FRMD3: variants seen among roughly 807,000 people sequenced by gnomAD.
FRMD3 encodes FERM domain containing 3, also known as FERM domain-containing protein 3.
Under a neutral mutation model 70.2 loss-of-function variants are expected in FRMD3, and 33 were observed. The observed-to-expected ratio is 0.47, with a 90% CI of 0.36 to 0.63. The LOEUF (loss-of-function observed/expected upper bound fraction) is 0.63, where lower values mean the gene tolerates loss of function less well. Among genes scored for constraint, FRMD3 ranks in the 20% least tolerant of loss-of-function variants. FRMD3 has a pLI of 0.00. For missense variants in FRMD3, 632 were observed against 711.4 expected, an observed-to-expected ratio of 0.89 and a Z score of 1.27; for synonymous variants, 279 against 255.9, an observed-to-expected ratio of 1.09 and a Z score of -0.86.
chr9:83,541,957 T>A (rs900221640), upstream of FRMD3, among the ~76,000 whole-genome samples: 3 of 152,174 alleles, frequency 2.0e-5, no homozygotes, highest in Non-Finnish European at 4.4e-5. Flanking sequence ...TATTATTATT[T>A]TTTACCGATT....
chr9:83,521,562 C>G (rs1255209213), intron 1 of FRMD3, among the ~76,000 whole-genome samples: 1 of 152,218 alleles, frequency 6.6e-6, no homozygotes, highest in Non-Finnish European at 1.5e-5. Context: ...CTGAGGCATT[C>G]AAAGTCTGAA....
At chr9:83,442,806 C>T (rs1418133416) in intron 1 of FRMD3, among the ~76,000 whole-genome samples, 1 of 152,128 alleles carries the variant, frequency 6.6e-6, no homozygotes, top group Non-Finnish European at 1.5e-5. Context: ...CTCCCCTCTC[C>T]TCCCCATCTC....
chr9:83,423,581 G>GTT (rs1229194226), intron 1 of FRMD3, among the ~76,000 whole-genome samples: 19 of 62,386 alleles, frequency 3.0e-4, no homozygotes, highest in Middle Eastern at 0.011. Context: ...CACTAGCCCT[G>GTT]TTTCTTTTTT....
chr9:83,436,263 G>A (rs1353671558), intron 1 of FRMD3, among the ~76,000 whole-genome samples: 2 of 152,146 alleles, frequency 1.3e-5, no homozygotes, highest in African/African-American at 2.4e-5. Context: ...ACCACTTGTT[G>A]TTCTCTCACA....
At chr9:83,549,770 T>C in the FRMD3 span, among the ~76,000 whole-genome samples, 1 of 152,212 alleles carries the variant, frequency 6.6e-6, no homozygotes, top group Non-Finnish European at 1.5e-5. Context: ...TGTCTGTTCA[T>C]GTCTTTTGCC....
intron 1 of FRMD3, among the ~76,000 whole-genome samples, chr9:83,405,738 G>A (rs1208052731): frequency 1.3e-5 from 2 of 151,040 alleles, no homozygotes; most frequent in African/African-American, 4.9e-5. Context: ...CTCCAGCCTC[G>A]GCAACAAGAG....
intron 6 of FRMD3, among the ~76,000 whole-genome samples, chr9:83,334,255 A>G (rs529620983): frequency 3.3e-5 from 5 of 152,360 alleles, no homozygotes; most frequent in African/African-American, 1.2e-4. Flanking sequence ...GCTTTTCATT[A>G]GGAGACAATA....
At chr9:83,255,278 GAC>G (rs1476638207) in intron 13 of FRMD3, among the ~76,000 whole-genome samples, 2 of 151,950 alleles carry the variant, frequency 1.3e-5, no homozygotes, top group African/African-American at 2.4e-5. Flanking sequence ...ACAGACAAAA[GAC>G]ACATGATTAT....
intron 13 of FRMD3, among the ~76,000 whole-genome samples, chr9:83,263,011 G>A: frequency 6.6e-6 from 1 of 152,146 alleles, no homozygotes; most frequent in Admixed American, 6.5e-5. Flanking sequence ...GGGCCTGAGG[G>A]GATGGATTTT....
intron 1 of FRMD3, among the ~76,000 whole-genome samples, chr9:83,456,342 G>C (rs916916226): frequency 2.0e-5 from 3 of 152,106 alleles, no homozygotes; most frequent in Non-Finnish European, 4.4e-5. Context: ...CAAATCATTT[G>C]AAACAAACAG....
At chr9:83,371,483 A>C (rs1446172209) in intron 3 of FRMD3, among the ~76,000 whole-genome samples, 1 of 151,994 alleles carries the variant, frequency 6.6e-6, no homozygotes, top group Non-Finnish European at 1.5e-5. Flanking sequence ...CACCCAGCTA[A>C]TTTTTGTATT....
intron 1 of FRMD3, among the ~76,000 whole-genome samples, chr9:83,531,475 T>C (rs1263264775): frequency 6.6e-6 from 1 of 152,222 alleles, no homozygotes; most frequent in Non-Finnish European, 1.5e-5. Flanking sequence ...AGCTGGCCCA[T>C]ATAATATAGG....
rs1444868518 is a variant in FRMD3 at position 83,354,886 on chromosome 9, G to GA, written c.296-5130dup. On this transcript the variant is annotated intron_variant, in intron 3 of 13. Coordinates refer to ENST00000304195, the MANE Select transcript of FRMD3 (RefSeq NM_174938.6). Reference sequence around the variant, plus strand: ...TACGTGCAATTCTTTTTACTACCTTGAAAAAAAATAAAACACTCAAAAATC... The same window carrying GA: ...TACGTGCAATTCTTTTTACTACCTTGAAAAAAAAATAAAACACTCAAAAATC... 4.0e-5 allele frequency among the ~76,000 whole-genome samples: 6 copies of GA among 151,828 alleles called. No individual in the cohort carries two copies. The South Asian group carries it at 6.2e-4, about 16-fold the overall frequency.
chr9:83,315,835 C>T (rs1835546784), intron 6 of FRMD3, among the ~76,000 whole-genome samples: 1 of 152,218 alleles, frequency 6.6e-6, no homozygotes, highest in South Asian at 2.1e-4. Context: ...AAGCCTGCTG[C>T]TGCCCATGAC....
Position 83,269,654 on chromosome 9 carries a change from A to G in FRMD3, c.1195+20949T>C, listed in dbSNP as rs534154046. 1.2e-4 allele frequency among the ~76,000 whole-genome samples: 18 copies of G among 151,922 alleles called. No homozygotes were observed. In the South Asian group the frequency reaches 3.5e-3, roughly 30 times the overall value. ...AACCCGGGAGGCGGAGGTTGCAGCA[A>G]GCCGAGATCTCACCGCCGCACTCTA... On this transcript the variant is annotated intron_variant, in intron 13 of 13. Coordinates refer to ENST00000304195, the MANE Select transcript of FRMD3 (RefSeq NM_174938.6).
At chr9:83,375,437 G>A (rs1340488044) in intron 2 of FRMD3, among the ~76,000 whole-genome samples, 1 of 151,996 alleles carries the variant, frequency 6.6e-6, no homozygotes, top group African/African-American at 2.4e-5. Context: ...ACTTCTACAA[G>A]GTGATCTCTA....
chr9:83,317,522 T>G lies in FRMD3; in HGVS notation c.597-3775A>C, dbSNP rs73648527. On this transcript the variant is annotated intron_variant, in intron 6 of 13. Transcript: ENST00000304195. ...AGAGCTAGCCATTCTCATTATTCAT[T>G]GAACTGTCACCACCTTTCTAAAAGC... is the stretch of plus-strand genomic sequence containing the variant. Among the ~76,000 whole-genome samples, 1,494 of 152,330 alleles carry G rather than the reference T, an allele frequency of 9.8e-3. 20 individuals are homozygous for G. Among genetic ancestry groups the G allele is most frequent in the African/African-American group, 0.033 (1,375 of 41,570 alleles).
chr9:83,430,656 C>A (rs1826948471), intron 1 of FRMD3, among the ~76,000 whole-genome samples: 3 of 152,170 alleles, frequency 2.0e-5, no homozygotes, highest in Admixed American at 1.3e-4. Flanking sequence ...AACGAGCCAG[C>A]AAACATTCAC....
At chr9:83,467,423 C>T (rs1264626951) in intron 1 of FRMD3, among the ~76,000 whole-genome samples, 1 of 152,058 alleles carries the variant, frequency 6.6e-6, no homozygotes, top group African/African-American at 2.4e-5. Flanking sequence ...TCTTGAAAGG[C>T]CATTAAGTGG....
Sources: allele counts gnomAD v4.1 joint callset (sites outside exome capture counted in the v4.1 genomes callset), GRCh38; gene constraint gnomAD v4.1.1; transcripts MANE v1.5; gene names NCBI Gene and HGNC (gene_info 2026-07-23, HGNC 2026-07-21).